The following SLC4A5 variants were observed in gnomAD, a reference collection of about 807,000 sequenced individuals.
The protein encoded by SLC4A5 is electrogenic sodium bicarbonate cotransporter 4.
SLC4A5 carries 96 observed loss-of-function variants against 120.4 expected under a neutral mutation model. The observed-to-expected ratio is 0.80, with a 90% CI of 0.68 to 0.94. The LOEUF (loss-of-function observed/expected upper bound fraction) is 0.94, where lower values mean the gene tolerates loss of function less well. Among genes scored for constraint, SLC4A5 ranks in the 40% least tolerant of loss-of-function variants. The pLI is 0.00. For synonymous variants in SLC4A5, 550 were observed against 571.1 expected (o/e 0.96, Z 0.53); for missense variants, 1,259 against 1,459.5 (o/e 0.86, Z 2.24).
chr2:74,320,849 T>G (rs1225081226), intron 5 of SLC4A5, among the ~76,000 whole-genome samples: 4 of 152,292 alleles, frequency 2.6e-5, no homozygotes, highest in Middle Eastern at 3.4e-3. Context: ...ATGGTCTTGA[T>G]GTGTTTGACT....
chr2:74,217,192 A>G (rs1694470587), exon 31 of SLC4A5: 1 of 152,236 alleles, frequency 6.6e-6, no homozygotes, highest in Non-Finnish European at 1.5e-5. Context: ...TTGAGCAAAT[A>G]TAGTAACTCT....
chr2:74,303,851 A>ATT (rs11287779), intron 7 of SLC4A5, among the ~76,000 whole-genome samples: 3 of 143,528 alleles, frequency 2.1e-5, no homozygotes, highest in Admixed American at 6.9e-5. Context: ...CATTATTATT[A>ATT]TTTTTTTTTT....
intron 7 of SLC4A5, among the ~76,000 whole-genome samples, chr2:74,294,286 C>G (rs1430302483): frequency 6.6e-6 from 1 of 152,162 alleles, no homozygotes; most frequent in Non-Finnish European, 1.5e-5. Context: ...CAGAAAGGCC[C>G]CGAGCATTAT....
At chr2:74,319,305 C>T (rs1673039317) in intron 5 of SLC4A5, 1 of 152,080 alleles carries the variant, frequency 6.6e-6, no homozygotes. Context: ...TCAAACTTCA[C>T]CACAATGAAA....
At chr2:74,329,297 GAT>G (rs1355493040) in intron 4 of SLC4A5, among the ~76,000 whole-genome samples, 1 of 143,820 alleles carries the variant, frequency 7.0e-6, no homozygotes, top group East Asian at 2.1e-4. Flanking sequence ...TGTAGATAAA[GAT>G]AGTAAATTGG....
intron 4 of SLC4A5, among the ~76,000 whole-genome samples, chr2:74,331,743 C>A (rs1372867668): frequency 6.6e-6 from 1 of 152,092 alleles, no homozygotes; most frequent in African/African-American, 2.4e-5. Flanking sequence ...AAAGTGGGAA[C>A]TTCTGTCCTT....
intron 10 of SLC4A5, 145 bp downstream of exon 10, chr2:74,264,002 G>T: frequency 1.9e-6 from 2 of 1,078,962 alleles, no homozygotes; most frequent in Non-Finnish European, 2.6e-6. Context: ...GTCCCCACAG[G>T]CCTGCCAGAG....
chr2:74,324,876 T>C (rs562352359), intron 5 of SLC4A5, among the ~76,000 whole-genome samples: 1 of 152,280 alleles, frequency 6.6e-6, no homozygotes, highest in African/African-American at 2.4e-5. Context: ...ACATTTCTGC[T>C]TGATTCATCC....
At chr2:74,240,566 C>T (rs1452297819) in intron 20 of SLC4A5, among the ~76,000 whole-genome samples, 1 of 152,040 alleles carries the variant, frequency 6.6e-6, no homozygotes, top group Non-Finnish European at 1.5e-5. Context: ...AAATTTGATA[C>T]TTGGCCAGCC....
At position 74,294,224 on chromosome 2, in the gene SLC4A5, C is replaced by T. The variant is rs150802708; in HGVS notation, c.272-8322G>A. 1.2e-3 allele frequency among the ~76,000 whole-genome samples: 176 copies of T among 152,238 alleles called. 1 individual carries two copies. Among genetic ancestry groups the T allele is most frequent in the South Asian group, 4.8e-3 (23 of 4,818 alleles). ...CCGTCTTTCCCATCTGAGTTCCCTA[C>T]GCCACTCTGGACCTACCAGGCCTGG... On this transcript the variant is annotated intron_variant, in intron 7 of 30. Coordinates refer to ENST00000394019, the Ensembl canonical transcript of SLC4A5.
exon 23 of SLC4A5, chr2:74,233,532 G>A: frequency 7.4e-6 from 12 of 1,613,958 alleles, no homozygotes; most frequent in Non-Finnish European, 1.0e-5. Context: ...CCCAAAGGGG[G>A]CCACGAACCA....
At position 74,255,764 on chromosome 2, in the gene SLC4A5, A is replaced by G. The variant is rs756488774; in HGVS notation, c.1025+11T>C. The G allele has an allele frequency of 5.0e-6, 8 of 1,613,896 alleles. No individual in the cohort carries two copies. The highest frequency in any genetic ancestry group is 2.2e-5 in the South Asian group (2 of 91,046). ...GAGAGTGGCGTGGGGACAGGTTTCA[A>G]TGGCTCTCACCTGGTGGGGACAGGC... On this transcript the variant is annotated intron_variant, in intron 13 of 30. Transcript: ENST00000394019. This position sits in a 1 kb window ranked among gnomAD's most constrained non-coding sequence, Gnocchi z 4.0.
intron 16 of SLC4A5, chr2:74,250,760 T>C (rs1404853168): frequency 4.1e-6 from 2 of 485,854 alleles, no homozygotes; most frequent in Non-Finnish European, 3.7e-6. Context: ...GAAAGTCTGA[T>C]GGGAATATGT....
chr2:74,310,127 C>T (rs1272497266), intron 6 of SLC4A5, among the ~76,000 whole-genome samples: 1 of 152,142 alleles, frequency 6.6e-6, no homozygotes, highest in African/African-American at 2.4e-5. Flanking sequence ...AGAAAAGCAA[C>T]TGTCTTTTGT....
intron 8 of SLC4A5, among the ~76,000 whole-genome samples, chr2:74,276,239 T>C (rs1671636041): frequency 6.6e-6 from 1 of 152,106 alleles, no homozygotes; most frequent in Non-Finnish European, 1.5e-5. Flanking sequence ...CCTAAAATAT[T>C]TTCTGTCTGG....
chr2:74,332,386 C>A (rs566676161), intron 4 of SLC4A5, among the ~76,000 whole-genome samples: 3 of 152,304 alleles, frequency 2.0e-5, no homozygotes, highest in African/African-American at 7.2e-5. Context: ...ACTTCCCAAG[C>A]TCTGACTCCC....
chr2:74,288,578 C>A (rs1672059103), intron 7 of SLC4A5, among the ~76,000 whole-genome samples: 1 of 152,188 alleles, frequency 6.6e-6, no homozygotes, highest in African/African-American at 2.4e-5. Context: ...CCTAGTTCCT[C>A]TTGCCTGGCT....
chr2:74,226,043 A>C (rs1694831532), intron 27 of SLC4A5, among the ~76,000 whole-genome samples: 1 of 152,024 alleles, frequency 6.6e-6, no homozygotes, highest in South Asian at 2.1e-4. Context: ...TGGGGGGAGG[A>C]TCTATCTCCC....
At chr2:74,328,628 G>A (rs981133217) in intron 4 of SLC4A5, among the ~76,000 whole-genome samples, 6 of 152,230 alleles carry the variant, frequency 3.9e-5, no homozygotes, top group African/African-American at 1.2e-4. Flanking sequence ...CCAGAGAGGG[G>A]CAGTGGCATT....
Sources: allele counts gnomAD v4.1 joint callset (sites outside exome capture counted in the v4.1 genomes callset), GRCh38; gene constraint gnomAD v4.1.1; non-coding constraint Gnocchi (gnomAD v3.1); transcripts MANE v1.5; gene names NCBI Gene and HGNC (gene_info 2026-07-23, HGNC 2026-07-21).